Variants in ASCC3 observed in about 807,000 individuals in gnomAD.
The protein encoded by ASCC3 is activating signal cointegrator 1 complex subunit 3, also known as ASC-1 complex subunit P200.
Under a neutral mutation model 256.3 loss-of-function variants are expected in ASCC3, and 158 were observed. The ratio of observed to expected loss-of-function variants is 0.62; its 90% CI spans 0.54 to 0.70. The LOEUF (loss-of-function observed/expected upper bound fraction) is 0.70. Ranked by LOEUF, ASCC3 falls within the 30% of genes least tolerant of loss-of-function variation. The probability of loss-of-function intolerance (pLI) is 0.00; values close to 1 mark genes in which losing one functional copy is unlikely to be tolerated. For synonymous variants in ASCC3, 948 were observed against 883.4 expected (o/e 1.07, Z -1.30); for missense variants, 2,259 against 2,626.0 (o/e 0.86, Z 3.05).
At chr6:100,720,063 T>C (rs1402019238) in intron 11 of ASCC3, among the ~76,000 whole-genome samples, 2 of 151,900 alleles carry the variant, frequency 1.3e-5, no homozygotes, top group East Asian at 3.9e-4. Context: ...TGTTGAAGTG[T>C]GATGTGATGT....
intron 10 of ASCC3, among the ~76,000 whole-genome samples, chr6:100,765,107 T>C (rs762313814): frequency 6.6e-6 from 1 of 152,126 alleles, no homozygotes; most frequent in East Asian, 1.9e-4. Context: ...CTAGGAGGCA[T>C]AGAACAGATA....
intron 17 of ASCC3, among the ~76,000 whole-genome samples, chr6:100,653,421 C>T (rs1034095836): frequency 3.9e-5 from 6 of 151,980 alleles, no homozygotes; most frequent in Non-Finnish European, 5.9e-5. Flanking sequence ...GGGCGGCTCA[C>T]GAGGTCAGAA....
intron 36 of ASCC3, among the ~76,000 whole-genome samples, chr6:100,546,544 C>A (rs1219963192): frequency 6.6e-5 from 10 of 152,010 alleles, no homozygotes; most frequent in Admixed American, 5.9e-4. Flanking sequence ...AACGTGCTTG[C>A]ATGTAGGACA....
At chr6:100,591,070 T>C (rs1477329430) in intron 34 of ASCC3, among the ~76,000 whole-genome samples, 3 of 152,104 alleles carry the variant, frequency 2.0e-5, no homozygotes, top group Non-Finnish European at 4.4e-5. Context: ...TATTGAAAAG[T>C]TACTGCTTTT....
In ASCC3 at chr6:100,627,704, A is replaced by T; in HGVS notation, c.4528T>A (p.Leu1510Met). 6.2e-7 allele frequency: 1 copy of T among 1,613,566 alleles called. No individual in the cohort carries two copies. Among genetic ancestry groups the T allele is most frequent in the Non-Finnish European group, 8.5e-7 (1 of 1,179,732 alleles). Residue 1510 changes from leucine (L) to methionine (M), a missense_variant, in exon 29 of 42, where the codon TTG (leucine) becomes ATG (methionine). Physicochemically the swap from Leu to Met is conservative, Grantham distance 15. Coordinates refer to ENST00000369162, the MANE Select transcript of ASCC3 (RefSeq NM_006828.4). ...CGTACTGATGGTCGGAAGTTAAACA[A>T]GCCCATCTAGAGTAAATATGAGAGA... Reference protein sequence around the residue: ...ADWLNIKQMGLFNFRPSVRPV... With the variant: ...ADWLNIKQMGMFNFRPSVRPV...
intron 11 of ASCC3, among the ~76,000 whole-genome samples, chr6:100,718,564 C>G (rs1040735742): frequency 4.0e-5 from 6 of 151,668 alleles, no homozygotes. Flanking sequence ...TTGAGACAAG[C>G]CTAGGCAACA....
intron 10 of ASCC3, among the ~76,000 whole-genome samples, chr6:100,755,029 C>T (rs1397627279): frequency 6.6e-6 from 1 of 151,880 alleles, no homozygotes; most frequent in Non-Finnish European, 1.5e-5. Flanking sequence ...ATTACCCAGT[C>T]TCGGGTATTT....
At position 100,759,394 on chromosome 6, in the gene ASCC3, TC is replaced by T. The variant is rs569861610; in HGVS notation, c.1737+7170del. The stretch of plus-strand genomic sequence containing the variant: ...TGGGTTTTAAATTCAAATATTTAAT[TC>T]ATCTTGAGTTAATTTTTGTATAAGG... On this transcript the variant is annotated intron_variant, in intron 10 of 41. Coordinates refer to ENST00000369162, the MANE Select transcript of ASCC3 (RefSeq NM_006828.4). Among the ~76,000 whole-genome samples, 451 of 152,242 alleles carry T rather than the reference TC, an allele frequency of 3.0e-3. 3 individuals are homozygous for T. The highest frequency in any genetic ancestry group is 0.011 in the African/African-American group (441 of 41,552).
At chr6:100,675,559 A>C (rs575146966) in intron 14 of ASCC3, among the ~76,000 whole-genome samples, 1 of 152,014 alleles carries the variant, frequency 6.6e-6, no homozygotes, top group Non-Finnish European at 1.5e-5. Flanking sequence ...TATAAAAACA[A>C]GGAAATGATT....
chr6:100,614,011 T>C (rs1457804267), intron 30 of ASCC3, among the ~76,000 whole-genome samples: 1 of 152,178 alleles, frequency 6.6e-6, no homozygotes, highest in South Asian at 2.1e-4. Context: ...AAAAGCAGTA[T>C]CAAAACTGGG....
intron 16 of ASCC3, among the ~76,000 whole-genome samples, chr6:100,658,581 G>A (rs1776034360): frequency 1.3e-5 from 2 of 151,366 alleles, no homozygotes; most frequent in Non-Finnish European, 3.0e-5. Flanking sequence ...ATCAGAAAAT[G>A]GTAAGTGACT....
chr6:100,597,730 T>C (rs9497851), intron 34 of ASCC3, among the ~76,000 whole-genome samples: 9,649 of 149,690 alleles, frequency 0.064, 702 homozygotes, highest in East Asian at 0.3. Context: ...CCCAGCACTT[T>C]GGGAGGCCGA....
intron 13 of ASCC3, among the ~76,000 whole-genome samples, chr6:100,681,432 A>G (rs1777297325): frequency 6.6e-6 from 1 of 152,258 alleles, no homozygotes; most frequent in African/African-American, 2.4e-5. Context: ...AAATATGATC[A>G]TAAGAACATT....
chr6:100,699,396 G>C (rs1003141912), intron 13 of ASCC3, among the ~76,000 whole-genome samples: 4 of 152,042 alleles, frequency 2.6e-5, no homozygotes, highest in Non-Finnish European at 2.9e-5. Context: ...GCTTCTCCTT[G>C]CCTTCTGCCA....
At chr6:100,696,463 A>C (rs746849301) in intron 13 of ASCC3, among the ~76,000 whole-genome samples, 2 of 152,082 alleles carry the variant, frequency 1.3e-5, no homozygotes, top group Non-Finnish European at 2.9e-5. Flanking sequence ...GTAGTCAACA[A>C]ATGTTTATGG....
intron 8 of ASCC3, among the ~76,000 whole-genome samples, chr6:100,776,084 TTTA>T (rs1782171959): frequency 6.6e-6 from 1 of 152,102 alleles, no homozygotes; most frequent in South Asian, 2.1e-4. Context: ...GCTAATAATA[TTTA>T]TTGTTTTATT....
At chr6:100,777,237 G>A (rs941285870) in intron 8 of ASCC3, among the ~76,000 whole-genome samples, 1 of 152,064 alleles carries the variant, frequency 6.6e-6, no homozygotes, top group African/African-American at 2.4e-5. Context: ...ACATGTGTGT[G>A]TATGTGTGAG....
intron 30 of ASCC3, among the ~76,000 whole-genome samples, chr6:100,620,295 T>C (rs1431389082): frequency 1.3e-5 from 2 of 152,180 alleles, no homozygotes; most frequent in Non-Finnish European, 2.9e-5. Context: ...CATATACCCA[T>C]AAACTTTTGA....
At chr6:100,693,165 A>G (rs1157473459) in intron 13 of ASCC3, among the ~76,000 whole-genome samples, 1 of 152,136 alleles carries the variant, frequency 6.6e-6, no homozygotes, top group Non-Finnish European at 1.5e-5. Context: ...AGTTTTTGAT[A>G]CACTCATAAC....
Sources: gnomAD v4.1 joint callset for allele counts (sites outside exome capture counted in the v4.1 genomes callset) on GRCh38, gnomAD v4.1.1 for gene constraint, MANE v1.5 for transcripts, NCBI Gene and HGNC (gene_info 2026-07-23, HGNC 2026-07-21) for gene names.